GRM4: variants seen among roughly 807,000 people sequenced by gnomAD.
GRM4 encodes glutamate metabotropic receptor 4.
In GRM4, 28 loss-of-function variants were observed where a neutral mutation model predicts 81.7. The observed-to-expected ratio is 0.34, with a 90% CI of 0.25 to 0.47. The LOEUF (loss-of-function observed/expected upper bound fraction) is 0.47, where lower values mean the gene tolerates loss of function less well. Ranked by LOEUF, GRM4 falls within the 20% of genes least tolerant of loss-of-function variation. The probability of loss-of-function intolerance (pLI) is 1.00; values close to 1 mark genes in which losing one functional copy is unlikely to be tolerated. For missense variants in GRM4, 948 were observed against 1,290.0 expected (o/e 0.73, Z 4.06); for synonymous variants, 488 against 528.8 (o/e 0.92, Z 1.06).
chr6:34,058,301 T>G (rs1328177327), intron 5 of GRM4, among the ~76,000 whole-genome samples: 1 of 152,164 alleles, frequency 6.6e-6, no homozygotes, highest in African/African-American at 2.4e-5. Flanking sequence ...GACACTGCTG[T>G]GTGACTTTGA....
Position 34,035,880 on chromosome 6 carries a change from G to A in GRM4, c.2230C>T (p.Leu744Phe), listed in dbSNP as rs1346558978. ...GACAGGTCCGAGATGTCACACTTGA[G>A]CACACCCCTGGCGAAGCGGGGGTCG... ...TLDPRFARGV[L>F]KCDISDLSLI... The change falls in exon 9 of 11, where the codon CTC (leucine) becomes TTC (phenylalanine). Residue 744 changes from leucine (L) to phenylalanine (F), a missense_variant. Coordinates refer to ENST00000538487, the MANE Select transcript of GRM4 (RefSeq NM_000841.4). This position sits in a 1 kb window ranked among gnomAD's most constrained non-coding sequence, Gnocchi z 6.6. The A allele has an allele frequency of 6.2e-7, 1 of 1,609,734 alleles. No homozygotes were observed. The highest frequency in any genetic ancestry group is 1.1e-5 in the South Asian group (1 of 90,970).
chr6:34,042,357 C>A lies in GRM4; in HGVS notation c.1169-1609G>T, dbSNP rs935241836. On this transcript the variant is annotated intron_variant, in intron 6 of 10. Transcript: ENST00000538487. The surrounding 1 kb of genome is among the most constrained non-coding windows in gnomAD (Gnocchi z 4.2). The stretch of plus-strand genomic sequence containing the variant: ...TGAACCCAGGTACTCCAACTCCAAC[C>A]CTGAGCACCACACTCTGCCACACAG... Among the ~76,000 whole-genome samples the A allele has an allele frequency of 3.3e-5, 5 of 152,180 alleles. No homozygotes were observed. Among genetic ancestry groups the A allele is most frequent in the Non-Finnish European group, 7.3e-5 (5 of 68,038 alleles).
intron 1 of GRM4, among the ~76,000 whole-genome samples, chr6:34,153,484 C>T (rs1437545627): frequency 1.3e-5 from 2 of 152,280 alleles, no homozygotes; most frequent in Non-Finnish European, 2.9e-5. Flanking sequence ...GAATTGCCTG[C>T]CCAGGGGCAA....
In GRM4 at chr6:34,047,202, C is replaced by T. The variant is rs997468209; in HGVS notation, c.1169-6454G>A. On this transcript the variant is annotated intron_variant, in intron 6 of 10. Coordinates refer to ENST00000538487, the MANE Select transcript of GRM4 (RefSeq NM_000841.4). This position sits in a 1 kb window ranked among gnomAD's most constrained non-coding sequence, Gnocchi z 4.5. The stretch of plus-strand genomic sequence containing the variant: ...CTCAGCTCTCCTTTCCTCCCTGACA[C>T]GCCCCTGCTGGATGACACCCCACCC... 2.0e-5 allele frequency among the ~76,000 whole-genome samples: 3 copies of T among 152,122 alleles called. No individual in the cohort carries two copies. The highest frequency in any genetic ancestry group is 4.4e-5 in the Non-Finnish European group (3 of 68,018).
chr6:34,062,115 G>A, intron 3 of GRM4, 87 bp from the exon 4 acceptor site: 1 of 1,425,022 alleles, frequency 7.0e-7, no homozygotes, highest in Non-Finnish European at 9.6e-7. Flanking sequence ...GGGAGATGGG[G>A]GCTGGGTGCT....
At position 34,080,213 on chromosome 6, in the gene GRM4, C is replaced by T. The variant is rs1162420374; in HGVS notation, c.736+11670G>A. On this transcript the variant is annotated intron_variant, in intron 3 of 10. Coordinates refer to ENST00000538487, the MANE Select transcript of GRM4 (RefSeq NM_000841.4). The surrounding 1 kb of genome is among the most constrained non-coding windows in gnomAD (Gnocchi z 5.4). Reference sequence around the variant, plus strand: ...AGCTGGGGATCTGCCAAAAGTCACCCCTGCAGAAAGCCAGGGTGAGGACCG... The same window carrying T: ...AGCTGGGGATCTGCCAAAAGTCACCTCTGCAGAAAGCCAGGGTGAGGACCG... Among the ~76,000 whole-genome samples, 28 of 152,212 alleles carry T rather than the reference C, an allele frequency of 1.8e-4. No individual in the cohort carries two copies. Among genetic ancestry groups the T allele is most frequent in the Non-Finnish European group, 2.8e-4 (19 of 68,044 alleles).
intron 4 of GRM4, 83 bp downstream of exon 4, chr6:34,061,810 A>T: frequency 6.9e-7 from 1 of 1,445,636 alleles, no homozygotes; most frequent in Non-Finnish European, 9.5e-7. Flanking sequence ...CTCGCCTGGG[A>T]AGGTCTCCAG....
intron 1 of GRM4, among the ~76,000 whole-genome samples, chr6:34,153,961 C>T (rs1771096943): frequency 6.6e-6 from 1 of 151,652 alleles, no homozygotes; most frequent in Non-Finnish European, 1.5e-5. Context: ...CAGGAAAGAC[C>T]CCCTGTATTC....
chr6:34,095,831 C>T (rs1427256443), intron 2 of GRM4, among the ~76,000 whole-genome samples: 1 of 152,164 alleles, frequency 6.6e-6, no homozygotes, highest in Non-Finnish European at 1.5e-5. Context: ...GTGGAGGGAT[C>T]GGGGGCAGGA....
At chr6:34,056,807 C>T in intron 5 of GRM4, 123 bp from the exon 6 acceptor site, 1 of 1,087,140 alleles carries the variant, frequency 9.2e-7, no homozygotes, top group Non-Finnish European at 1.3e-6. Context: ...AGGAGCACAT[C>T]CTCTGATCCA....
rs1766355274 is a variant in GRM4, at chr6:34,064,614, C to A, written c.737-2586G>T. Among the ~76,000 whole-genome samples the A allele has an allele frequency of 6.6e-6, 1 of 152,192 alleles. No individual in the cohort carries two copies. On this transcript the variant is annotated intron_variant, in intron 3 of 10. Transcript: ENST00000538487. This position sits in a 1 kb window ranked among gnomAD's most constrained non-coding sequence, Gnocchi z 4.4. ...CCCGTGGGTTCCCTCTGTTTCACAG[C>A]CCTATTGTCAGCATGTCCGCTCAGG...
At position 34,040,708 on chromosome 6, in the gene GRM4, C is replaced by T. The variant is rs1423211961; in HGVS notation, c.1209G>A (p.Glu403=). The change falls in exon 7 of 11, where the codon GAG becomes GAA. Residue 403 remains glutamate, a synonymous_variant. Coordinates refer to ENST00000538487, the MANE Select transcript of GRM4 (RefSeq NM_000841.4). The part of the protein sequence containing the change: ...RIGQDSAYEQ[E]GKVQFVIDAV... ...CATCGATCACAAACTGCACCTTCCC[C>T]TCCTGCTCATAAGCTGAATCCTGCC... The T allele has an allele frequency of 6.2e-7, 1 of 1,614,112 alleles. No homozygotes were observed. Among genetic ancestry groups the T allele is most frequent in the Non-Finnish European group, 8.5e-7 (1 of 1,179,944 alleles).
intron 6 of GRM4, chr6:34,055,798 T>C (rs1765841982): frequency 6.6e-6 from 1 of 152,188 alleles, no homozygotes; most frequent in South Asian, 2.1e-4. Context: ...TTCAAGTCCC[T>C]CTACTCACCT....
intron 1 of GRM4, among the ~76,000 whole-genome samples, chr6:34,151,544 C>G (rs1353666299): frequency 1.3e-5 from 2 of 152,186 alleles, no homozygotes; most frequent in East Asian, 1.9e-4. Flanking sequence ...CCTGCTCCTT[C>G]GGCAGAGTGG....
At chr6:34,065,699 G>A (rs935374178) in intron 3 of GRM4, among the ~76,000 whole-genome samples, 1 of 152,110 alleles carries the variant, frequency 6.6e-6, no homozygotes, top group African/African-American at 2.4e-5. Flanking sequence ...AAGCTGGTGC[G>A]TCTGCTCGCC....
intron 3 of GRM4, among the ~76,000 whole-genome samples, chr6:34,079,308 C>T (rs908414987): frequency 6.6e-6 from 1 of 152,130 alleles, no homozygotes; most frequent in Admixed American, 6.5e-5. Context: ...ATAGGACCAC[C>T]TCCCCTGGAG....
chr6:34,135,621 G>A (rs1213704508), intron 1 of GRM4, among the ~76,000 whole-genome samples: 2 of 151,846 alleles, frequency 1.3e-5, no homozygotes, highest in African/African-American at 4.8e-5. Context: ...GAAGGCTTAA[G>A]AGCCATTAAA....
At position 34,020,904 on chromosome 6, in the gene GRM4, G is replaced by T. The variant is rs1327653218; in HGVS notation, c.*1917C>A. The stretch of plus-strand genomic sequence containing the variant: ...GTCCCTGCGTGGCCCCCTGCCTAGG[G>T]TTCCTCCAGTCCCTTCCACTGTGCT... On this transcript the variant is annotated 3_prime_UTR_variant, in exon 11 of 11. Coordinates refer to ENST00000538487, the MANE Select transcript of GRM4 (RefSeq NM_000841.4). 1.3e-5 allele frequency: 2 copies of T among 152,360 alleles called. No homozygotes were observed. Among genetic ancestry groups the T allele is most frequent in the Non-Finnish European group, 2.9e-5 (2 of 68,170 alleles). The allele number at this position is 152,360 out of a possible 1,614,324, so 9.4% of individuals were successfully genotyped here. A position where few individuals can be genotyped will look rare whatever the true frequency, so the allele number is the denominator to read the frequency against.
rs764825668 is a variant in GRM4, at chr6:34,036,229, G to A, written c.1881C>T (p.Tyr627=). 2.5e-5 allele frequency: 40 copies of A among 1,614,064 alleles called. No individual in the cohort carries two copies. Among genetic ancestry groups the A allele is most frequent in the East Asian group, 2.2e-5 (1 of 44,898 alleles). The part of the protein sequence containing the change: ...IVKASGRELS[Y]VLLAGIFLCY... ...ACAGGAAGATGCCTGCCAGCAGCAC[G>A]TAGCTCAGTTCACGGCCCGAGGCCT... is the stretch of plus-strand genomic sequence containing the variant. Residue 627 remains tyrosine, a synonymous_variant, in exon 9 of 11, where the codon TAC becomes TAT. Transcript: ENST00000538487. This position sits in a 1 kb window ranked among gnomAD's most constrained non-coding sequence, Gnocchi z 9.0.
Sources: gnomAD v4.1 joint callset for allele counts (sites outside exome capture counted in the v4.1 genomes callset) on GRCh38, gnomAD v4.1.1 for gene constraint, Gnocchi (gnomAD v3.1) non-coding constraint, MANE v1.5 for transcripts, NCBI Gene and HGNC (gene_info 2026-07-23, HGNC 2026-07-21) for gene names.